SLC44A5: variants seen among roughly 807,000 people sequenced by gnomAD.
The protein encoded by SLC44A5 is solute carrier family 44 member 5, also known as choline transporter-like protein 5.
Under a neutral mutation model 101.8 loss-of-function variants are expected in SLC44A5, and 57 were observed. The ratio of observed to expected loss-of-function variants is 0.56; its 90% CI spans 0.45 to 0.70. SLC44A5 has a LOEUF of 0.70. Ranked by LOEUF, SLC44A5 falls within the 30% of genes least tolerant of loss-of-function variation. The pLI, the probability that SLC44A5 is intolerant of heterozygous loss-of-function variation, is 0.00. For missense variants in SLC44A5, 737 were observed against 853.1 expected (o/e 0.86, Z 1.70); for synonymous variants, 281 against 290.9 (o/e 0.97, Z 0.35).
chr1:75,601,034 AG>A (rs1363082816), intron 1 of SLC44A5, among the ~76,000 whole-genome samples: 1 of 152,186 alleles, frequency 6.6e-6, no homozygotes, highest in Non-Finnish European at 1.5e-5. Context: ...TTGAGCAAGA[AG>A]TGAGCTCAAC....
the SLC44A5 span, among the ~76,000 whole-genome samples, chr1:75,704,128 C>G: frequency 6.6e-6 from 1 of 152,034 alleles, no homozygotes; most frequent in Non-Finnish European, 1.5e-5. Context: ...AAAGTATAAA[C>G]CAAGTATATC....
At chr1:75,412,308 G>A (rs529732896) in intron 2 of SLC44A5, among the ~76,000 whole-genome samples, 19 of 152,058 alleles carry the variant, frequency 1.2e-4, no homozygotes, top group South Asian at 4.2e-4. Context: ...ATTTGGTGGC[G>A]GGAGATAAGT....
At chr1:75,607,623 G>A (rs1675399616) in intron 1 of SLC44A5, among the ~76,000 whole-genome samples, 2 of 151,960 alleles carry the variant, frequency 1.3e-5, no homozygotes, top group South Asian at 2.1e-4. Context: ...CACATGTCAT[G>A]GGAGGGACCC....
At chr1:75,473,756 A>G (rs1232354322) in intron 2 of SLC44A5, among the ~76,000 whole-genome samples, 1 of 152,064 alleles carries the variant, frequency 6.6e-6, no homozygotes, top group East Asian at 1.9e-4. Context: ...TTCTTTCCAT[A>G]ATTTTATAAA....
At chr1:75,324,464 C>T (rs79635633) in intron 4 of SLC44A5, among the ~76,000 whole-genome samples, 2,884 of 152,236 alleles carry the variant, frequency 0.019, 89 homozygotes, top group Middle Eastern at 0.065. Context: ...GCACTATGGT[C>T]TTATATCATA....
At chr1:75,546,738 T>A (rs1046738535) in intron 1 of SLC44A5, among the ~76,000 whole-genome samples, 1 of 152,146 alleles carries the variant, frequency 6.6e-6, no homozygotes, top group South Asian at 2.1e-4. Flanking sequence ...TGCTCCTTAA[T>A]CAGTCCTCGA....
chr1:75,209,019 A>G (rs1646802040), intron 23 of SLC44A5, among the ~76,000 whole-genome samples: 1 of 152,194 alleles, frequency 6.6e-6, no homozygotes, highest in Admixed American at 6.5e-5. Context: ...ACAAAGTGTG[A>G]TGTTGCCCAT....
At chr1:75,430,371 A>G (rs189335238) in intron 2 of SLC44A5, among the ~76,000 whole-genome samples, 3 of 152,276 alleles carry the variant, frequency 2.0e-5, no homozygotes, top group African/African-American at 7.2e-5. Context: ...CAGCCTCCAG[A>G]ACTGTGAAAA....
At chr1:75,436,301 A>AT (rs967024006) in intron 2 of SLC44A5, among the ~76,000 whole-genome samples, 3 of 152,040 alleles carry the variant, frequency 2.0e-5, no homozygotes, top group Admixed American at 6.6e-5. Flanking sequence ...TGTATTATAC[A>AT]TTTTTTTAGG....
intron 13 of SLC44A5, among the ~76,000 whole-genome samples, chr1:75,224,614 A>G (rs2100526359): frequency 6.6e-6 from 1 of 152,192 alleles, no homozygotes. Flanking sequence ...TTTTTTAGAT[A>G]AAATAGAGAT....
chr1:75,642,549 G>C, the SLC44A5 span, among the ~76,000 whole-genome samples: 2 of 151,098 alleles, frequency 1.3e-5, no homozygotes. Context: ...TTCCTATTCT[G>C]ATTGACTTAT....
At chr1:75,496,484 C>G (rs1299551911) in intron 2 of SLC44A5, among the ~76,000 whole-genome samples, 3 of 151,714 alleles carry the variant, frequency 2.0e-5, no homozygotes, top group African/African-American at 7.3e-5. Context: ...AAGACTTAAA[C>G]CTGAGACTTG....
chr1:75,220,065 G>C (rs1036360928), intron 14 of SLC44A5, among the ~76,000 whole-genome samples, 173 bp from the exon 15 acceptor site: 1 of 152,006 alleles, frequency 6.6e-6, no homozygotes, highest in East Asian at 1.9e-4. Context: ...TTAAAAGTAC[G>C]TTGAGGCATT....
At chr1:75,309,213 T>C (rs1478520229) in intron 4 of SLC44A5, among the ~76,000 whole-genome samples, 1 of 152,060 alleles carries the variant, frequency 6.6e-6, no homozygotes, top group Non-Finnish European at 1.5e-5. Context: ...GGAAGCTAAG[T>C]TGGGGGGATT....
chr1:75,617,290 G>A, the SLC44A5 span, among the ~76,000 whole-genome samples: 1 of 152,108 alleles, frequency 6.6e-6, no homozygotes, highest in Non-Finnish European at 1.5e-5. Flanking sequence ...AGCCCAATCT[G>A]ATTGTCTAAA....
intron 6 of SLC44A5, 69 bp from the exon 7 acceptor site, chr1:75,251,363 C>T: frequency 7.8e-7 from 1 of 1,280,804 alleles, no homozygotes; most frequent in South Asian, 1.3e-5. Flanking sequence ...AGACCCTGAA[C>T]ACTTTTTATA....
rs747762358 is a variant in SLC44A5 at position 75,434,662 on chromosome 1, T to A, written c.14-38041A>T. Among the ~76,000 whole-genome samples, 14 of 152,250 alleles carry A rather than the reference T, an allele frequency of 9.2e-5. No homozygotes were observed. In the South Asian group the frequency reaches 1.5e-3, roughly 16 times the overall value. ...GTGGCCGGGTCCTAACCTACTGTTT[T>A]GCCTGATCTCCCTCCCACCTCACGC... On this transcript the variant is annotated intron_variant, in intron 2 of 23. Coordinates refer to ENST00000370859, the MANE Select transcript of SLC44A5 (RefSeq NM_001130058.2).
chr1:75,540,153 A>G (rs1255192666), intron 2 of SLC44A5, among the ~76,000 whole-genome samples: 1 of 152,310 alleles, frequency 6.6e-6, no homozygotes, highest in East Asian at 1.9e-4. Flanking sequence ...CTATCTGTGA[A>G]TAATAATGAA....
chr1:75,361,953 G>A (rs777509945), intron 3 of SLC44A5, among the ~76,000 whole-genome samples: 5 of 151,818 alleles, frequency 3.3e-5, no homozygotes, highest in Admixed American at 6.6e-5. Flanking sequence ...CCTGATCTTA[G>A]AGGAAGACAT....
Sources: gnomAD v4.1 joint callset for allele counts (sites outside exome capture counted in the v4.1 genomes callset) on GRCh38, gnomAD v4.1.1 for gene constraint, MANE v1.5 for transcripts, NCBI Gene and HGNC (gene_info 2026-07-23, HGNC 2026-07-21) for gene names.